The following DYNLL2 variants were observed in gnomAD, a reference collection of about 807,000 sequenced individuals.
DYNLL2 encodes dynein light chain LC8-type 2.
Under a neutral mutation model 9.7 loss-of-function variants are expected in DYNLL2, and 1 was observed. The ratio of observed to expected loss-of-function variants is 0.10; its 90% CI spans 0.04 to 0.49. The LOEUF (loss-of-function observed/expected upper bound fraction) is 0.49. Among genes scored for constraint, DYNLL2 ranks in the 20% least tolerant of loss-of-function variants. DYNLL2 has a pLI of 0.95. For synonymous variants in DYNLL2, 35 were observed against 40.5 expected, an observed-to-expected ratio of 0.86 and a Z score of 0.52; for missense variants, 37 against 115.2, an observed-to-expected ratio of 0.32 and a Z score of 3.11.
Position 58,089,380 on chromosome 17 carries a change from A to C in DYNLL2, c.*101A>C. On this transcript the variant is annotated 3_prime_UTR_variant, in exon 3 of 3. Coordinates refer to ENST00000579991, the MANE Select transcript of DYNLL2 (RefSeq NM_080677.3). Reference sequence around the variant, plus strand: ...GAGCCAGCATCAGGATGTCCTCTCCAATGGCTGTGCTACTGCATGGACTGT... The same window carrying C: ...GAGCCAGCATCAGGATGTCCTCTCCCATGGCTGTGCTACTGCATGGACTGT... The C allele has an allele frequency of 6.8e-7, 1 of 1,462,480 alleles. No homozygotes were observed. The highest frequency in any genetic ancestry group is 1.3e-5 in the South Asian group (1 of 78,678). 90.6% of individuals were successfully genotyped at this position (1,462,480 alleles called of 1,614,324 possible).
In DYNLL2 at chr17:58,092,558, C is replaced by T. The variant is rs1467843499; in HGVS notation, c.*3279C>T. ...ATGCAGCCATTATTAGAACTGTGCC[C>T]ATAGGAGCATCAATATCCCTGCTCC... On this transcript the variant is annotated 3_prime_UTR_variant, in exon 3 of 3. Transcript: ENST00000579991. 1 of 152,218 alleles carries T rather than the reference C, an allele frequency of 6.6e-6. No homozygotes were observed. Among genetic ancestry groups the T allele is most frequent in the African/African-American group, 2.4e-5 (1 of 41,446 alleles). 9.4% of individuals were successfully genotyped at this position (152,218 alleles called of 1,614,324 possible).
At chr17:58,087,642 C>A (rs1231667229) in intron 2 of DYNLL2, among the ~76,000 whole-genome samples, 1 of 152,146 alleles carries the variant, frequency 6.6e-6, no homozygotes, top group African/African-American at 2.4e-5. Flanking sequence ...CTGTAATAAT[C>A]CTCATCATGT....
rs1375890067 is a variant in DYNLL2 at position 58,094,782 on chromosome 17, C to G, written c.*5503C>G. 3 of 152,224 alleles carry G rather than the reference C, an allele frequency of 2.0e-5. No individual in the cohort carries two copies. Among genetic ancestry groups the G allele is most frequent in the South Asian group, 4.1e-4 (2 of 4,830 alleles). 9.4% of individuals were successfully genotyped at this position (152,224 alleles called of 1,614,324 possible). On this transcript the variant is annotated 3_prime_UTR_variant, in exon 3 of 3. Transcript: ENST00000579991. ...CTTGCCATTCCCTCTTCTCCCCAGC[C>G]CTGGGAAACCACTGACCTACCTTAT... is the stretch of plus-strand genomic sequence containing the variant.
At position 58,092,269 on chromosome 17, in the gene DYNLL2, C is replaced by G. The variant is rs1296712280; in HGVS notation, c.*2990C>G. On this transcript the variant is annotated 3_prime_UTR_variant, in exon 3 of 3. Coordinates refer to ENST00000579991, the MANE Select transcript of DYNLL2 (RefSeq NM_080677.3). ...TGGGAGGGAGAGTGAGGCCACAGTT[C>G]ACATTTCATCAGGGATGAGTGTCTC... is the stretch of plus-strand genomic sequence containing the variant. 6.6e-6 allele frequency: 1 copy of G among 152,224 alleles called. No homozygotes were observed. Among genetic ancestry groups the G allele is most frequent in the Non-Finnish European group, 1.5e-5 (1 of 68,052 alleles). 9.4% of individuals were successfully genotyped at this position (152,224 alleles called of 1,614,324 possible).
In DYNLL2 at chr17:58,093,700, T is replaced by C. The variant is rs750511298; in HGVS notation, c.*4421T>C. ...TCTCTCCCTCCTCCTTACTCCTCTC[T>C]ACTAAGGATTAAGGAGCCACCTCTT... On this transcript the variant is annotated 3_prime_UTR_variant, in exon 3 of 3. Transcript: ENST00000579991. 3 of 152,170 alleles carry C rather than the reference T, an allele frequency of 2.0e-5. No individual in the cohort carries two copies. The highest frequency in any genetic ancestry group is 2.9e-5 in the Non-Finnish European group (2 of 68,016). The allele number at this position is 152,170 out of a possible 1,614,324, so 9.4% of individuals were successfully genotyped here.
rs2075742506 is a variant in DYNLL2 at position 58,083,458 on chromosome 17, A to AGCGGGCGGGCGGGCGGGCGGCGCGAGGCG, written c.-213_-212insCGAGGCGGCGGGCGGGCGGGCGGGCGGCG. On this transcript the variant is annotated 5_prime_UTR_variant, in exon 1 of 3. Coordinates refer to ENST00000579991, the MANE Select transcript of DYNLL2 (RefSeq NM_080677.3). Reference sequence around the variant, plus strand: ...GCGGAGCTGTGAGGCGCCAGTGCGGAGCGGGCGGGCGGGCGGGCGGCGTGA... The same window carrying AGCGGGCGGGCGGGCGGGCGGCGCGAGGCG: ...GCGGAGCTGTGAGGCGCCAGTGCGGAGCGGGCGGGCGGGCGGGCGGCGCGAGGCGGCGGGCGGGCGGGCGGGCGGCGTGA... 1.5e-5 allele frequency: 2 copies of AGCGGGCGGGCGGGCGGGCGGCGCGAGGCG among 131,832 alleles called. No homozygotes were observed. The highest frequency in any genetic ancestry group is 5.6e-5 in the African/African-American group (2 of 35,502). The allele number at this position is 131,832 out of a possible 1,614,324, so 8.2% of individuals were successfully genotyped here. A position where few individuals can be genotyped will look rare whatever the true frequency, so the allele number is the denominator to read the frequency against.
intron 1 of DYNLL2, among the ~76,000 whole-genome samples, chr17:58,086,074 G>A (rs940219067): frequency 6.6e-6 from 1 of 152,196 alleles, no homozygotes; most frequent in African/African-American, 2.4e-5. Context: ...GGATGGGACA[G>A]AGAGAGACAT....
At chr17:58,084,965 C>T (rs1359169645) in intron 1 of DYNLL2, among the ~76,000 whole-genome samples, 1 of 152,180 alleles carries the variant, frequency 6.6e-6, no homozygotes, top group Non-Finnish European at 1.5e-5. Context: ...TTTGCTCAGA[C>T]CCATTTGAGT....
Position 58,094,882 on chromosome 17 carries a change from T to C in DYNLL2, c.*5603T>C, listed in dbSNP as rs1194399243. 1 of 152,286 alleles carries C rather than the reference T, an allele frequency of 6.6e-6. No homozygotes were observed. The highest frequency in any genetic ancestry group is 2.4e-5 in the African/African-American group (1 of 41,456). 9.4% of individuals were successfully genotyped at this position (152,286 alleles called of 1,614,324 possible). Reference sequence around the variant, plus strand: ...CATGTGGCCTTTTGTTTCTGGCTTCTTTCACTTAGCATGTTTTCAAGGTTC... The same window carrying C: ...CATGTGGCCTTTTGTTTCTGGCTTCCTTCACTTAGCATGTTTTCAAGGTTC... On this transcript the variant is annotated 3_prime_UTR_variant, in exon 3 of 3. Transcript: ENST00000579991.
intron 1 of DYNLL2, 30 bp downstream of exon 1, chr17:58,083,713 TGGCGGGCCTGTGTCCGTCGCGTGC>T (rs1160678199): frequency 1.3e-5 from 2 of 151,954 alleles, no homozygotes; most frequent in Non-Finnish European, 2.9e-5. Flanking sequence ...GTCCCCCGGG[TGGCGGGCCTGTGTCCGTCGCGTGC>T]GACTCTACAC....
intron 1 of DYNLL2, 123 bp from the exon 2 acceptor site, chr17:58,086,959 C>A (rs1033877321): frequency 1.7e-5 from 20 of 1,177,300 alleles, no homozygotes; most frequent in Admixed American, 1.5e-4. Context: ...TGCTTCACAT[C>A]CGTGTTTTCT....
intron 1 of DYNLL2, among the ~76,000 whole-genome samples, chr17:58,086,193 C>T (rs1465009220): frequency 6.6e-6 from 1 of 152,208 alleles, no homozygotes; most frequent in East Asian, 1.9e-4. Flanking sequence ...ATCATTATCT[C>T]TGCCCCACTG....
rs1015629811 is a variant in DYNLL2, at chr17:58,092,603, C to T, written c.*3324C>T. The T allele has an allele frequency of 1.3e-5, 2 of 152,244 alleles. No individual in the cohort carries two copies. The highest frequency in any genetic ancestry group is 4.8e-5 in the African/African-American group (2 of 41,438). 9.4% of individuals were successfully genotyped at this position (152,244 alleles called of 1,614,324 possible). On this transcript the variant is annotated 3_prime_UTR_variant, in exon 3 of 3. Coordinates refer to ENST00000579991, the MANE Select transcript of DYNLL2 (RefSeq NM_080677.3). ...TGCTCCTTGTATCCTGTTCTCCAGT[C>T]TTCTGGGGACCCCCTTTGACTGAAC...
rs2075792255 is a variant in DYNLL2 at position 58,094,757 on chromosome 17, C to T, written c.*5478C>T. 6.6e-6 allele frequency: 1 copy of T among 152,242 alleles called. No individual in the cohort carries two copies. The allele number at this position is 152,242 out of a possible 1,614,324, so 9.4% of individuals were successfully genotyped here. On this transcript the variant is annotated 3_prime_UTR_variant, in exon 3 of 3. Transcript: ENST00000579991. ...GAAATCATGTACCCATTTGCAGTCACTTGCCATTCCCTCTTCTCCCCAGCC... is the reference window on the plus strand; with the variant it reads ...GAAATCATGTACCCATTTGCAGTCATTTGCCATTCCCTCTTCTCCCCAGCC...
chr17:58,085,685 T>A (rs530409535), intron 1 of DYNLL2, among the ~76,000 whole-genome samples: 4 of 152,158 alleles, frequency 2.6e-5, no homozygotes, highest in Non-Finnish European at 5.9e-5. Flanking sequence ...GCCTGGAACC[T>A]GTGGTTGCTA....
intron 1 of DYNLL2, among the ~76,000 whole-genome samples, 186 bp downstream of exon 1, chr17:58,083,869 C>T (rs2075746349): frequency 6.6e-6 from 1 of 151,626 alleles, no homozygotes; most frequent in East Asian, 2.0e-4. Context: ...CCCGCCGCCC[C>T]TCCCTCTCGG....
At chr17:58,086,721 A>G (rs934345316) in intron 1 of DYNLL2, among the ~76,000 whole-genome samples, 6 of 152,240 alleles carry the variant, frequency 3.9e-5, no homozygotes, top group Non-Finnish European at 7.3e-5. Context: ...AGATAATGAC[A>G]TAAAAACACA....
At chr17:58,086,456 T>C (rs1365325669) in intron 1 of DYNLL2, among the ~76,000 whole-genome samples, 3 of 152,238 alleles carry the variant, frequency 2.0e-5, no homozygotes, top group Non-Finnish European at 2.9e-5. Context: ...AGTTAATCTT[T>C]ACAACAACTC....
At chr17:58,087,903 A>T (rs984436087) in intron 2 of DYNLL2, among the ~76,000 whole-genome samples, 1 of 152,184 alleles carries the variant, frequency 6.6e-6, no homozygotes, top group Non-Finnish European at 1.5e-5. Context: ...CCCAGTCAGG[A>T]TCCATATCCA....
Sources: allele counts gnomAD v4.1 joint callset (sites outside exome capture counted in the v4.1 genomes callset), GRCh38; gene constraint gnomAD v4.1.1; transcripts MANE v1.5; gene names NCBI Gene and HGNC (gene_info 2026-07-23, HGNC 2026-07-21).